TAF1D: variants seen among roughly 807,000 people sequenced by gnomAD.
TAF1D encodes TATA-box binding protein associated factor, RNA polymerase I subunit D.
In TAF1D, 23 loss-of-function variants were observed where a neutral mutation model predicts 26.2. The observed-to-expected ratio is 0.88, with a 90% CI of 0.63 to 1.25. The LOEUF (loss-of-function observed/expected upper bound fraction) is 1.25. TAF1D is among the 50% of genes most tolerant of loss of function. TAF1D has a pLI of 0.00. For synonymous variants in TAF1D, 100 were observed against 105.6 expected (o/e 0.95, Z 0.33); for missense variants, 299 against 322.0 (o/e 0.93, Z 0.55).
At chr11:93,733,672 G>T (rs1939881241), downstream of TAF1D, 1 of 475,498 alleles carries the variant, frequency 2.1e-6, no homozygotes, top group Admixed American at 2.3e-5. Flanking sequence ...TGTGATTCTT[G>T]CTGAATCACT....
chr11:93,735,044 G>A, downstream of TAF1D: 1 of 1,272,380 alleles, frequency 7.9e-7, no homozygotes, highest in Non-Finnish European at 1.0e-6. Flanking sequence ...TTGACCCATT[G>A]CACCTGGCCT....
intron 1 of TAF1D, among the ~76,000 whole-genome samples, chr11:93,740,909 C>T (rs1288634414): frequency 1.3e-5 from 2 of 152,180 alleles, no homozygotes; most frequent in African/African-American, 4.8e-5. Context: ...TTCTGCAATT[C>T]TTAGAGGCCA....
At chr11:93,731,704 T>A, downstream of TAF1D, 1 of 373,708 alleles carries the variant, frequency 2.7e-6, no homozygotes, top group Non-Finnish European at 5.3e-6. Flanking sequence ...GAAAAGCTAG[T>A]ATTCAACAAA....
At chr11:93,733,402 G>A, downstream of TAF1D, 1 of 518,534 alleles carries the variant, frequency 1.9e-6, no homozygotes, top group Non-Finnish European at 3.8e-6. Context: ...CAATACCTAA[G>A]GTAAAAAAGT....
At position 93,737,210 on chromosome 11, in the gene TAF1D, A is replaced by G; in HGVS notation, c.489T>C (p.Tyr163=). Reference sequence around the variant, plus strand: ...GGTGTTCATACTTCAGTTTTTCAATATAGTTAAAAAATCCTCTTGCAACAG... The same window carrying G: ...GGTGTTCATACTTCAGTTTTTCAATGTAGTTAAAAAATCCTCTTGCAACAG... The part of the protein sequence containing the change: ...EQAVARGFFN[Y]IEKLKYEHHL... Residue 163 remains tyrosine, a synonymous_variant, in exon 4 of 6, where the codon TAT becomes TAC. Transcript: ENST00000448108. 6.2e-7 allele frequency: 1 copy of G among 1,605,390 alleles called. No homozygotes were observed. The highest frequency in any genetic ancestry group is 8.5e-7 in the Non-Finnish European group (1 of 1,176,878).
chr11:93,733,686 G>A, downstream of TAF1D: 1 of 462,332 alleles, frequency 2.2e-6, no homozygotes, highest in South Asian at 1.6e-5. Context: ...AATCACTTGA[G>A]CCCAGGGGTT....
chr11:93,734,993 G>A (rs1940393456), downstream of TAF1D: 1 of 1,196,958 alleles, frequency 8.4e-7, no homozygotes, highest in African/African-American at 1.6e-5. Context: ...TGAACTCCTG[G>A]TTTCAAGCAA....
At chr11:93,739,449 G>A (rs966555014) in intron 1 of TAF1D, 118 bp from the exon 2 acceptor site, 1 of 596,310 alleles carries the variant, frequency 1.7e-6, no homozygotes, top group Non-Finnish European at 2.8e-6. Flanking sequence ...ATTTACCAAG[G>A]TTAAGCTTCT....
In TAF1D at chr11:93,738,407, C is replaced by T. The variant is rs145280004; in HGVS notation, c.161G>A (p.Arg54His). ...ACTTGCGTGAACACTTTCAGGTGTACGAACAAATTTTCGAATGGGGTTTCT... is the reference window on the plus strand; with the variant it reads ...ACTTGCGTGAACACTTTCAGGTGTATGAACAAATTTTCGAATGGGGTTTCT... Reference protein sequence around the residue: ...EKRNPIRKFVRTPESVHASDS... With the variant: ...EKRNPIRKFVHTPESVHASDS... The change falls in exon 3 of 6, where the codon CGT (arginine) becomes CAT (histidine). Residue 54 changes from arginine (R) to histidine (H), a missense_variant. By Grantham distance (29) the Arg-to-His change is conservative. Transcript: ENST00000448108. The T allele has an allele frequency of 1.5e-5, 24 of 1,613,342 alleles. No homozygotes were observed. The highest frequency in any genetic ancestry group is 6.7e-5 in the East Asian group (3 of 44,836).
At chr11:93,739,086 A>G (rs768288358) in intron 2 of TAF1D, 151 bp downstream of exon 2, 42 of 595,062 alleles carry the variant, frequency 7.1e-5, no homozygotes, top group South Asian at 1.8e-4. Context: ...CAATGCTATT[A>G]TATCAATCTA....
intron 1 of TAF1D, 57 bp from the exon 2 acceptor site, chr11:93,739,388 T>G (rs1941344386): frequency 8.5e-7 from 1 of 1,179,664 alleles, no homozygotes; most frequent in Non-Finnish European, 1.2e-6. Flanking sequence ...TGACAGTATC[T>G]ACTACAGTGT....
At chr11:93,736,867 T>TC in intron 4 of TAF1D, 116 bp from the exon 5 acceptor site, 2 of 1,269,848 alleles carry the variant, frequency 1.6e-6, no homozygotes, top group Non-Finnish European at 2.2e-6. Flanking sequence ...AACACAAAAT[T>TC]TGAGAATTTT....
Position 93,730,440 on chromosome 11 carries a change from A to G in TAF1D, c.*1011T>C, listed in dbSNP as rs758853990. 4 of 761,060 alleles carry G rather than the reference A, an allele frequency of 5.3e-6. 1 individual carries two copies. The highest frequency in any genetic ancestry group is 4.9e-5 in the East Asian group (2 of 40,946). 47.1% of individuals were successfully genotyped at this position (761,060 alleles called of 1,614,324 possible). A position where few individuals can be genotyped will look rare whatever the true frequency, so the allele number is the denominator to read the frequency against. ...GCTGGAGTCAAAAGATTTATCTTCA[A>G]GTTTGCCCTGAAGAAGAGAAATTTT... On this transcript the variant is annotated 3_prime_UTR_variant and NMD_transcript_variant, in exon 12 of 12. Transcript: ENST00000323981.
At chr11:93,732,853 G>A (rs1939553654), downstream of TAF1D, 1 of 231,938 alleles carries the variant, frequency 4.3e-6, no homozygotes, top group Non-Finnish European at 8.7e-6. Flanking sequence ...GTGACTTTAG[G>A]ATGAAATATG....
At chr11:93,739,145 T>C in intron 2 of TAF1D, 92 bp downstream of exon 2, 1 of 1,034,716 alleles carries the variant, frequency 9.7e-7, no homozygotes, top group Non-Finnish European at 1.4e-6. Context: ...TTTCCTTCTT[T>C]CCCAATTCCT....
chr11:93,736,638 G>A (rs1310992680), intron 5 of TAF1D, 56 bp downstream of exon 5: 9 of 1,596,912 alleles, frequency 5.6e-6, no homozygotes, highest in Non-Finnish European at 1.7e-6. Context: ...AATTCCTTCT[G>A]TATCAACCAA....
In TAF1D at chr11:93,735,662, C is replaced by CT. The variant is rs1491028438; in HGVS notation, c.*498dup. 1 of 994,196 alleles carries CT rather than the reference C, an allele frequency of 1.0e-6. No individual in the cohort carries two copies. Among genetic ancestry groups the CT allele is most frequent in the Non-Finnish European group, 1.2e-6 (1 of 835,088 alleles). The allele number at this position is 994,196 out of a possible 1,614,324, so 61.6% of individuals were successfully genotyped here. A position where few individuals can be genotyped will look rare whatever the true frequency, so the allele number is the denominator to read the frequency against. Reference sequence around the variant, plus strand: ...ACAGCCTGGGTGACAGATCGAGACTCTGTCTAAAAAAAATAGTATTAAAGA... The same window carrying CT: ...ACAGCCTGGGTGACAGATCGAGACTCTTGTCTAAAAAAAATAGTATTAAAGA... On this transcript the variant is annotated 3_prime_UTR_variant, in exon 6 of 6. Coordinates refer to ENST00000448108, the MANE Select transcript of TAF1D (RefSeq NM_024116.4).
chr11:93,741,137 G>A (rs1284256872), intron 1 of TAF1D, among the ~76,000 whole-genome samples, 185 bp downstream of exon 1: 4 of 152,264 alleles, frequency 2.6e-5, no homozygotes, highest in African/African-American at 9.6e-5. Flanking sequence ...CTACAACCAC[G>A]TTTGTGTGGG....
Position 93,741,471 on chromosome 11 carries a change from T to G in TAF1D, c.-177A>C, listed in dbSNP as rs1019629448. Reference sequence around the variant, plus strand: ...TCCAACTCCCGATAACCAGCCGACCTCCTCCAACCGTGCGGAAGAAAAGGG... The same window carrying G: ...TCCAACTCCCGATAACCAGCCGACCGCCTCCAACCGTGCGGAAGAAAAGGG... On this transcript the variant is annotated 5_prime_UTR_variant, in exon 1 of 6. Coordinates refer to ENST00000448108, the MANE Select transcript of TAF1D (RefSeq NM_024116.4). 3 of 455,982 alleles carry G rather than the reference T, an allele frequency of 6.6e-6. No individual in the cohort carries two copies. Among genetic ancestry groups the G allele is most frequent in the African/African-American group, 4.0e-5 (2 of 50,006 alleles). 28.2% of individuals were successfully genotyped at this position (455,982 alleles called of 1,614,324 possible).
Sources: allele counts gnomAD v4.1 joint callset (sites outside exome capture counted in the v4.1 genomes callset), GRCh38; gene constraint gnomAD v4.1.1; transcripts MANE v1.5; gene names NCBI Gene and HGNC (gene_info 2026-07-23, HGNC 2026-07-21).